Variants in SYNE1 observed in about 807,000 individuals in gnomAD.
The protein encoded by SYNE1 is nesprin-1.
Under a neutral mutation model 1,111.0 loss-of-function variants are expected in SYNE1, and 616 were observed. The ratio of observed to expected loss-of-function variants is 0.55; its 90% CI spans 0.52 to 0.59. The LOEUF is 0.59. Ranked by LOEUF, SYNE1 falls within the 20% of genes least tolerant of loss-of-function variation. The pLI is 0.00. For synonymous variants in SYNE1, 3,855 were observed against 3,825.8 expected (o/e 1.01, Z -0.28); for missense variants, 10,006 against 10,417.0 (o/e 0.96, Z 1.72).
At chr6:152,515,718 T>G (rs1296642681) in intron 6 of SYNE1, among the ~76,000 whole-genome samples, 2 of 152,214 alleles carry the variant, frequency 1.3e-5, no homozygotes, top group African/African-American at 2.4e-5. Flanking sequence ...GTCTGCACTA[T>G]GATGGTCAGT....
rs1022502693 is a variant in SYNE1, at chr6:152,123,433, C to A, written c.26154-757G>T. Among the ~76,000 whole-genome samples the A allele has an allele frequency of 1.2e-4, 19 of 152,202 alleles. 1 individual carries two copies. Among genetic ancestry groups the A allele is most frequent in the African/African-American group, 4.6e-4 (19 of 41,444 alleles). ...GACTGTCATCCTACAGCCCCTTCTA[C>A]ACTCAAAGTGACAAGTTTTTCTATT... On this transcript the variant is annotated intron_variant, in intron 145 of 145. Coordinates refer to ENST00000367255, the MANE Select transcript of SYNE1 (RefSeq NM_182961.4).
rs763444500 is a variant in SYNE1, at chr6:152,148,246, G to A, written c.24775C>T (p.Leu8259Phe). The change falls in exon 137 of 146, where the codon CTC becomes TTC. Residue 8259 changes from leucine to phenylalanine, a missense_variant. Around this residue, in one of 7 missense-constraint regions of SYNE1, gnomAD observed 761 missense variants for 795.5 expected, o/e 0.96. Transcript: ENST00000367255. The surrounding 1 kb of genome is among the most constrained non-coding windows in gnomAD (Gnocchi z 4.1). ...CTCCGGAGGGGCTGAGCGAGCGAGA[G>A]GGAGAGATTGGAGGAAGGCTGTGGA... ...LSPQPSSNLS[L>F]SLAQPLRSER... The A allele has an allele frequency of 3.7e-6, 6 of 1,613,786 alleles. No homozygotes were observed. The highest frequency in any genetic ancestry group is 5.1e-6 in the Non-Finnish European group (6 of 1,179,784).
At chr6:152,152,938 A>G (rs1477517710) in intron 133 of SYNE1, among the ~76,000 whole-genome samples, 1 of 152,188 alleles carries the variant, frequency 6.6e-6, no homozygotes, top group Non-Finnish European at 1.5e-5. Context: ...TTTTCCCTCC[A>G]ATGTAGAAGA....
rs771970037 is a variant in SYNE1 at position 152,154,856 on chromosome 6, CAAA to C, written c.24129+33_24129+35del. 5.0e-6 allele frequency: 8 copies of C among 1,613,048 alleles called. No homozygotes were observed. The South Asian group carries it at 8.8e-5, about 18-fold the overall frequency. On this transcript the variant is annotated intron_variant, in intron 133 of 145. Coordinates refer to ENST00000367255, the MANE Select transcript of SYNE1 (RefSeq NM_182961.4). ...AACTACCAGCTGGCTACTTTAATAG[CAAA>C]ATAAGGATTAAAAATTTGGAATTAT...
chr6:152,429,504 A>G (rs979218130), intron 36 of SYNE1, among the ~76,000 whole-genome samples: 1 of 152,252 alleles, frequency 6.6e-6, no homozygotes, highest in East Asian at 1.9e-4. Context: ...GTTTTCTATT[A>G]CATACACCTT....
intron 39 of SYNE1, among the ~76,000 whole-genome samples, chr6:152,424,826 G>T (rs949631046): frequency 9.2e-5 from 14 of 152,298 alleles, no homozygotes; most frequent in African/African-American, 3.4e-4. Flanking sequence ...AAGGTTAAAT[G>T]CCTAAGATCA....
At chr6:152,366,950 C>T (rs1362095901) in intron 62 of SYNE1, 1 of 631,368 alleles carries the variant, frequency 1.6e-6, no homozygotes, top group Non-Finnish European at 3.0e-6. Context: ...TGTCTGTGAT[C>T]TCATTTAAAA....
chr6:152,509,521 A>G (rs916981087), intron 8 of SYNE1, among the ~76,000 whole-genome samples: 11 of 152,054 alleles, frequency 7.2e-5, no homozygotes, highest in Non-Finnish European at 1.3e-4. Context: ...CCTACCGAAG[A>G]GCTGGGATTA....
At chr6:152,502,891 T>C (rs990934282) in intron 9 of SYNE1, 149 bp from the exon 10 acceptor site, 3 of 637,554 alleles carry the variant, frequency 4.7e-6, no homozygotes, top group Non-Finnish European at 8.3e-6. Flanking sequence ...GGGAGGAGGG[T>C]AAACCAAATT....
At chr6:152,519,125 C>T (rs1303388309) in intron 6 of SYNE1, among the ~76,000 whole-genome samples, 2 of 151,948 alleles carry the variant, frequency 1.3e-5, no homozygotes, top group Non-Finnish European at 2.9e-5. Flanking sequence ...TACCCTAAAA[C>T]TTAAAGTATA....
intron 87 of SYNE1, among the ~76,000 whole-genome samples, chr6:152,314,729 T>A (rs1203282260): frequency 6.6e-6 from 1 of 151,782 alleles, no homozygotes; most frequent in African/African-American, 2.4e-5. Context: ...GGCGAGTAGA[T>A]CGCTTGAGGC....
At position 152,199,909 on chromosome 6, in the gene SYNE1, GT is replaced by G. The variant is rs543630616; in HGVS notation, c.23145+1914del. On this transcript the variant is annotated intron_variant, in intron 127 of 145. Transcript: ENST00000367255. ...AGCAGCGTGTGTTTGTAACTGTCAT[GT>G]TTTTTGGGAGATAAAAAATGACGCC... 4.6e-3 allele frequency among the ~76,000 whole-genome samples: 699 copies of G among 152,284 alleles called. 10 individuals carry two copies. The highest frequency in any genetic ancestry group is 0.031 in the Middle Eastern group (9 of 294).
At chr6:152,378,649 G>A (rs1178621188) in intron 56 of SYNE1, among the ~76,000 whole-genome samples, 2 of 152,042 alleles carry the variant, frequency 1.3e-5, no homozygotes, top group African/African-American at 4.8e-5. Context: ...CAATGATCCT[G>A]CATCTTGATG....
At chr6:152,300,858 C>A in intron 92 of SYNE1, 77 bp from the exon 93 acceptor site, 4 of 1,602,150 alleles carry the variant, frequency 2.5e-6, no homozygotes, top group Non-Finnish European at 2.6e-6. Flanking sequence ...AGGCACAGGC[C>A]AAAACAGAGT....
At chr6:152,525,731 C>G (rs1407829234) in intron 5 of SYNE1, among the ~76,000 whole-genome samples, 4 of 152,158 alleles carry the variant, frequency 2.6e-5, no homozygotes, top group Non-Finnish European at 5.9e-5. Flanking sequence ...AAATGGAAGA[C>G]AAACACTTAA....
chr6:152,189,535 T>G (rs1201696454), intron 127 of SYNE1, 128 bp from the exon 128 acceptor site: 1 of 828,142 alleles, frequency 1.2e-6, no homozygotes, highest in African/African-American at 1.7e-5. Context: ...ACTTGGGATC[T>G]AGAGGCACAT....
Position 152,326,592 on chromosome 6 carries a change from A to G in SYNE1, c.14997T>C (p.Tyr4999=), listed in dbSNP as rs764693402. The G allele has an allele frequency of 1.9e-6, 3 of 1,614,196 alleles. No individual in the cohort carries two copies. Among genetic ancestry groups the G allele is most frequent in the Non-Finnish European group, 2.5e-6 (3 of 1,180,044 alleles). ...AGTCATTGGCTGCTTGAAATACCTG[A>G]TAATACCTTTGACACTGGCTATATA... ...TEIYSQCQRY[Y]QVFQAANDWL... is the part of the protein sequence containing the mutation. The change falls in exon 79 of 146, where the codon TAT becomes TAC. Residue 4999 remains tyrosine, a synonymous_variant. Coordinates refer to ENST00000367255, the MANE Select transcript of SYNE1 (RefSeq NM_182961.4).
At chr6:152,512,835 C>T (rs2099091975) in intron 6 of SYNE1, among the ~76,000 whole-genome samples, 1 of 152,176 alleles carries the variant, frequency 6.6e-6, no homozygotes, top group Non-Finnish European at 1.5e-5. Flanking sequence ...ACTTACAATA[C>T]ATTCTTAGTA....
chr6:152,360,533 C>G (rs1466013941), intron 64 of SYNE1, among the ~76,000 whole-genome samples: 1 of 152,194 alleles, frequency 6.6e-6, no homozygotes, highest in African/African-American at 2.4e-5. Context: ...TTCTCTCTCA[C>G]ACCACACTAC....
Sources: gnomAD v4.1 joint callset for allele counts (sites outside exome capture counted in the v4.1 genomes callset) on GRCh38, gnomAD v4.1.1 for gene constraint, gnomAD v4.1.1 regional missense constraint, Gnocchi (gnomAD v3.1) non-coding constraint, MANE v1.5 for transcripts, NCBI Gene and HGNC (gene_info 2026-07-23, HGNC 2026-07-21) for gene names.